Variants in ZDHHC20 observed in about 807,000 individuals in gnomAD.
ZDHHC20 encodes the protein zDHHC palmitoyltransferase 20, also known as palmitoyltransferase ZDHHC20.
Under a neutral mutation model 57.8 loss-of-function variants are expected in ZDHHC20, and 43 were observed. That is an observed-to-expected ratio of 0.74 (90% CI 0.58 to 0.96). ZDHHC20 has a LOEUF of 0.96. Among genes scored for constraint, ZDHHC20 ranks in the 40% least tolerant of loss-of-function variants. The pLI, the probability that ZDHHC20 is intolerant of heterozygous loss-of-function variation, is 0.00. For missense variants in ZDHHC20, 391 were observed against 441.1 expected, an observed-to-expected ratio of 0.89 and a Z score of 1.02; for synonymous variants, 157 against 153.0, an observed-to-expected ratio of 1.03 and a Z score of -0.19.
intron 1 of ZDHHC20, among the ~76,000 whole-genome samples, chr13:21,436,540 G>A (rs961088716): frequency 1.3e-5 from 2 of 152,104 alleles, no homozygotes; most frequent in Non-Finnish European, 2.9e-5. Context: ...GATCTGTGAC[G>A]TTACTATTGT....
At chr13:21,383,416 A>AG (rs1369968062) in intron 9 of ZDHHC20, among the ~76,000 whole-genome samples, 22 of 152,218 alleles carry the variant, frequency 1.4e-4, no homozygotes, top group African/African-American at 5.1e-4. Flanking sequence ...CCACTATGAT[A>AG]GTGAGGCCTC....
At chr13:21,421,210 CA>C in intron 2 of ZDHHC20, 46 bp from the exon 3 acceptor site, 1 of 1,483,688 alleles carries the variant, frequency 6.7e-7, no homozygotes, top group Non-Finnish European at 9.3e-7. Context: ...CAGGTGAAAA[CA>C]GCAAAAAGCA....
intron 5 of ZDHHC20, among the ~76,000 whole-genome samples, chr13:21,402,327 C>G (rs759264408): frequency 1.3e-5 from 2 of 151,866 alleles, no homozygotes; most frequent in African/African-American, 2.4e-5. Flanking sequence ...AAAAAAAACC[C>G]ACCAAACTCC....
In ZDHHC20 at chr13:21,400,395, T is replaced by G. The variant is rs1265353242; in HGVS notation, c.572A>C (p.Glu191Ala). 2 of 1,600,560 alleles carry G rather than the reference T, an allele frequency of 1.2e-6. No individual in the cohort carries two copies. Among genetic ancestry groups the G allele is most frequent in the African/African-American group, 2.7e-5 (2 of 74,050 alleles). Reference sequence around the variant, plus strand: ...TACCGTCCAAAATTTTATAAAGTACTCTAAAACTGTTGCAGCCACGAAAAG... The same window carrying G: ...TACCGTCCAAAATTTTATAAAGTACGCTAAAACTGTTGCAGCCACGAAAAG... ...YCLFVAATVL[E>A]YFIKFWTNEL... is the part of the protein sequence containing the mutation. The change falls in exon 7 of 13, where the codon GAG (glutamate) becomes GCG (alanine). Residue 191 changes from glutamate (E) to alanine (A), a missense_variant. Glu to Ala is a moderately radical substitution (Grantham distance 107). Around this residue, in one of 3 missense-constraint regions of ZDHHC20, gnomAD observed 197 missense variants for 220.8 expected, o/e 0.89. Transcript: ENST00000400590.
At chr13:21,446,298 A>C (rs2138031928) in intron 1 of ZDHHC20, among the ~76,000 whole-genome samples, 1 of 152,322 alleles carries the variant, frequency 6.6e-6, no homozygotes, top group East Asian at 1.9e-4. Context: ...ATAAGGAAAA[A>C]ATCAGTATAA....
intron 1 of ZDHHC20, among the ~76,000 whole-genome samples, chr13:21,444,025 G>A (rs1883437252): frequency 6.6e-6 from 1 of 152,130 alleles, no homozygotes; most frequent in African/African-American, 2.4e-5. Context: ...GTGTGGTGGC[G>A]TGTGCCTATA....
In ZDHHC20 at chr13:21,374,949, C is replaced by A; in HGVS notation, c.*1747G>T. 2 of 356,900 alleles carry A rather than the reference C, an allele frequency of 5.6e-6. No individual in the cohort carries two copies. Among genetic ancestry groups the A allele is most frequent in the Non-Finnish European group, 1.1e-5 (2 of 182,446 alleles). The allele number at this position is 356,900 out of a possible 1,614,324, so 22.1% of individuals were successfully genotyped here. Reference sequence around the variant, plus strand: ...AGGAGTTAGTGATCAGCCTGGTCAACATGGTGAAACCTCGTCTCTTCTAAA... The same window carrying A: ...AGGAGTTAGTGATCAGCCTGGTCAAAATGGTGAAACCTCGTCTCTTCTAAA... On this transcript the variant is annotated 3_prime_UTR_variant, in exon 13 of 13. Coordinates refer to ENST00000400590, the MANE Select transcript of ZDHHC20 (RefSeq NM_001330059.2).
At chr13:21,450,731 G>A (rs1012075861) in intron 1 of ZDHHC20, among the ~76,000 whole-genome samples, 3 of 149,998 alleles carry the variant, frequency 2.0e-5, no homozygotes, top group Non-Finnish European at 4.4e-5. Context: ...AAATAGATGC[G>A]AAATGATAAA....
chr13:21,448,373 G>A (rs1335954863), intron 1 of ZDHHC20, among the ~76,000 whole-genome samples: 1 of 107,148 alleles, frequency 9.3e-6, no homozygotes, highest in Non-Finnish European at 2.2e-5. Context: ...GAGGTGGGGG[G>A]TCAGCCCCCC....
chr13:21,424,229 T>C (rs1176826025), intron 2 of ZDHHC20, among the ~76,000 whole-genome samples: 1 of 152,012 alleles, frequency 6.6e-6, no homozygotes, highest in Non-Finnish European at 1.5e-5. Flanking sequence ...TCTGGTTACA[T>C]ATACATGCTA....
chr13:21,427,525 A>G (rs1408346914), intron 1 of ZDHHC20, among the ~76,000 whole-genome samples: 2 of 152,044 alleles, frequency 1.3e-5, no homozygotes, highest in East Asian at 3.9e-4. Flanking sequence ...GGGAACAATA[A>G]AACTGCTTCA....
intron 1 of ZDHHC20, among the ~76,000 whole-genome samples, chr13:21,450,106 A>G (rs1460242891): frequency 1.3e-5 from 2 of 152,154 alleles, no homozygotes; most frequent in Non-Finnish European, 2.9e-5. Flanking sequence ...CCCAAGAAGT[A>G]GAAGGATACA....
intron 1 of ZDHHC20, among the ~76,000 whole-genome samples, chr13:21,432,208 C>T (rs1882042016): frequency 6.6e-6 from 1 of 152,134 alleles, no homozygotes; most frequent in African/African-American, 2.4e-5. Context: ...CTCTGTCGCC[C>T]AGGCTGGAGT....
Position 21,401,642 on chromosome 13 carries a change from T to C in ZDHHC20, c.473+11A>G. The C allele has an allele frequency of 6.5e-7, 1 of 1,536,900 alleles. No individual in the cohort carries two copies. The highest frequency in any genetic ancestry group is 8.7e-7 in the Non-Finnish European group (1 of 1,143,826). ...CCACCAATGCAATTTCTTCTGTTTTTTTATACATACCAAGGACAGTGATGA... is the reference window on the plus strand; with the variant it reads ...CCACCAATGCAATTTCTTCTGTTTTCTTATACATACCAAGGACAGTGATGA... On this transcript the variant is annotated intron_variant, in intron 6 of 12. Transcript: ENST00000400590.
chr13:21,421,008 A>C, intron 3 of ZDHHC20, 53 bp downstream of exon 3: 4 of 1,477,322 alleles, frequency 2.7e-6, no homozygotes, highest in Non-Finnish European at 3.8e-6. Context: ...ACAAGGGAAA[A>C]AAAATTCCAT....
rs71093307 is a variant in ZDHHC20, at chr13:21,393,699, CAAAAAAAAAAA to C, written c.595-1856_595-1846del. ...AGCCTGGGCGACACAGCAAGTCTCA[CAAAAAAAAAAA>C]AAAAAAAAAAAAAAAAAAAGGTACA... On this transcript the variant is annotated intron_variant, in intron 7 of 12. Transcript: ENST00000400590. Among the ~76,000 whole-genome samples, 9 of 63,416 alleles carry C rather than the reference CAAAAAAAAAAA, an allele frequency of 1.4e-4. No individual in the cohort carries two copies. The South Asian group carries it at 2.3e-3, about 16-fold the overall frequency. 41.6% of individuals were successfully genotyped at this position (63,416 alleles called of 152,430 possible). A position where few individuals can be genotyped will look rare whatever the true frequency, so the allele number is the denominator to read the frequency against.
At chr13:21,389,754 T>TAAGC (rs1361007550) in intron 8 of ZDHHC20, among the ~76,000 whole-genome samples, 2 of 152,148 alleles carry the variant, frequency 1.3e-5, no homozygotes, top group Non-Finnish European at 2.9e-5. Flanking sequence ...CACCACTGCT[T>TAAGC]AGCTCCATTT....
chr13:21,414,571 CCG>C (rs1566090112), intron 3 of ZDHHC20, among the ~76,000 whole-genome samples: 7 of 132,794 alleles, frequency 5.3e-5, no homozygotes, highest in Non-Finnish European at 9.7e-5. Flanking sequence ...CGAGGTTTCA[CCG>C]TGTTAGCCAG....
chr13:21,423,450 C>T (rs984401410), intron 2 of ZDHHC20, among the ~76,000 whole-genome samples: 14 of 151,852 alleles, frequency 9.2e-5, no homozygotes, highest in African/African-American at 2.7e-4. Flanking sequence ...CTGGGGCGGG[C>T]GGATCACTTG....
Sources: gnomAD v4.1 joint callset for allele counts (sites outside exome capture counted in the v4.1 genomes callset) on GRCh38, gnomAD v4.1.1 for gene constraint, gnomAD v4.1.1 regional missense constraint, MANE v1.5 for transcripts, NCBI Gene and HGNC (gene_info 2026-07-23, HGNC 2026-07-21) for gene names.